Variants in KCNMA1 observed in about 807,000 individuals in gnomAD.
The protein encoded by KCNMA1 is potassium calcium-activated channel subfamily M alpha 1, also known as Calcium-activated potassium channel subunit alpha-1.
KCNMA1 carries 29 observed loss-of-function variants against 140.0 expected under a neutral mutation model. The observed-to-expected ratio is 0.21, with a 90% CI of 0.15 to 0.28. The LOEUF is 0.28. KCNMA1 is among the 10% of genes least tolerant of loss of function. KCNMA1 has a pLI of 1.00. For synonymous variants in KCNMA1, 612 were observed against 611.9 expected (o/e 1.00, Z 0.00); for missense variants, 880 against 1,602.2 (o/e 0.55, Z 7.70).
intron 10 of KCNMA1, among the ~76,000 whole-genome samples, chr10:77,089,953 A>C (rs569124274): frequency 6.6e-6 from 1 of 152,088 alleles, no homozygotes; most frequent in South Asian, 2.1e-4. Context: ...AGTTGTTATT[A>C]CTATTACCTT....
Position 77,637,185 on chromosome 10 carries a change from G to A in KCNMA1, c.378+80C>T. On this transcript the variant is annotated intron_variant, in intron 1 of 27. Coordinates refer to ENST00000286628, the MANE Select transcript of KCNMA1 (RefSeq NM_001161352.2). The stretch of plus-strand genomic sequence containing the variant: ...GATGGAGGGAGGCACGGCGCGGCGC[G>A]GAGCGAGGAGGTGGGCTGCAGGGGA... 9 of 1,358,578 alleles carry A rather than the reference G, an allele frequency of 6.6e-6. No homozygotes were observed. The South Asian group carries it at 6.8e-5, about 10-fold the overall frequency. 84.2% of individuals were successfully genotyped at this position (1,358,578 alleles called of 1,614,324 possible).
In KCNMA1 at chr10:77,197,315, G is replaced by A. The variant is rs192965904; in HGVS notation, c.603-12399C>T. Among the ~76,000 whole-genome samples, 19 of 152,318 alleles carry A rather than the reference G, an allele frequency of 1.2e-4. No homozygotes were observed. The East Asian group carries it at 3.7e-3, about 29-fold the overall frequency. ...CAGGTAACATTATTCAGAAAGACATGAAAGGGTATCATCATCCTGGTCACT... is the reference window on the plus strand; with the variant it reads ...CAGGTAACATTATTCAGAAAGACATAAAAGGGTATCATCATCCTGGTCACT... On this transcript the variant is annotated intron_variant, in intron 3 of 27. Transcript: ENST00000286628.
intron 5 of KCNMA1, among the ~76,000 whole-genome samples, chr10:77,159,555 C>T (rs764869865): frequency 6.6e-6 from 1 of 152,086 alleles, no homozygotes; most frequent in South Asian, 2.1e-4. Context: ...GTCTTCTGTC[C>T]TTACCTTCTT....
chr10:76,880,875 G>A (rs1208821746), downstream of KCNMA1, among the ~76,000 whole-genome samples: 3 of 152,220 alleles, frequency 2.0e-5, no homozygotes, highest in Non-Finnish European at 2.9e-5. Context: ...TCTAAGATGA[G>A]AAGGGCAATT....
At chr10:76,948,538 C>G (rs1419489618) in intron 22 of KCNMA1, among the ~76,000 whole-genome samples, 1 of 152,104 alleles carries the variant, frequency 6.6e-6, no homozygotes, top group Non-Finnish European at 1.5e-5. Context: ...ACTGTTTTTT[C>G]AGACTGAAGT....
chr10:77,427,046 T>G (rs1566780109), intron 1 of KCNMA1, among the ~76,000 whole-genome samples: 1 of 152,256 alleles, frequency 6.6e-6, no homozygotes, highest in East Asian at 1.9e-4. Context: ...ATAATCCACT[T>G]AGAAAATTCC....
intron 3 of KCNMA1, among the ~76,000 whole-genome samples, chr10:77,228,808 T>C (rs1055906792): frequency 1.3e-5 from 2 of 152,178 alleles, no homozygotes; most frequent in Non-Finnish European, 1.5e-5. Context: ...GAGCCACCTG[T>C]AGTCATGTGG....
chr10:77,027,776 C>G (rs765726448), intron 16 of KCNMA1, 47 bp downstream of exon 16: 1 of 1,493,862 alleles, frequency 6.7e-7, no homozygotes, highest in African/African-American at 1.4e-5. Flanking sequence ...AGAACGCACT[C>G]TCACCATCAA....
At chr10:77,637,204 C>A in intron 1 of KCNMA1, 61 bp downstream of exon 1, 1 of 1,460,684 alleles carries the variant, frequency 6.8e-7, no homozygotes. Flanking sequence ...AGGTGGGCTG[C>A]AGGGGACGCC....
At chr10:77,419,323 C>T (rs965201780) in intron 1 of KCNMA1, among the ~76,000 whole-genome samples, 1 of 152,202 alleles carries the variant, frequency 6.6e-6, no homozygotes, top group South Asian at 2.1e-4. Flanking sequence ...CCCCACGTCT[C>T]CATAACAACT....
intron 14 of KCNMA1, among the ~76,000 whole-genome samples, chr10:77,043,582 G>A (rs770193529): frequency 5.3e-5 from 8 of 152,128 alleles, no homozygotes; most frequent in Non-Finnish European, 2.9e-5. Flanking sequence ...TCTAAGAGGT[G>A]GAAGCACCCC....
intron 5 of KCNMA1, among the ~76,000 whole-genome samples, chr10:77,127,028 A>T (rs2153973679): frequency 6.6e-6 from 1 of 151,462 alleles, no homozygotes; most frequent in East Asian, 1.9e-4. Context: ...ACGCCACAGA[A>T]AAGTCATCAA....
chr10:77,465,995 G>A (rs182890609), intron 1 of KCNMA1, among the ~76,000 whole-genome samples: 53 of 152,294 alleles, frequency 3.5e-4, no homozygotes, highest in African/African-American at 1.2e-3. Flanking sequence ...CCAAGAAAGT[G>A]TTCCTGGCAG....
intron 19 of KCNMA1, among the ~76,000 whole-genome samples, chr10:76,997,925 C>T (rs960764646): frequency 6.6e-6 from 1 of 152,160 alleles, no homozygotes; most frequent in African/African-American, 2.4e-5. Context: ...TTCAGTCTTG[C>T]CAGAAATAAA....
At chr10:77,419,623 C>G (rs925361979) in intron 1 of KCNMA1, among the ~76,000 whole-genome samples, 2 of 152,110 alleles carry the variant, frequency 1.3e-5, no homozygotes, top group Admixed American at 6.5e-5. Context: ...GGTAGTGACA[C>G]AAATTTTCTA....
intron 14 of KCNMA1, among the ~76,000 whole-genome samples, chr10:77,061,051 T>C (rs904205291): frequency 3.3e-5 from 5 of 152,228 alleles, no homozygotes; most frequent in Admixed American, 1.3e-4. Flanking sequence ...ACTAGGTTTG[T>C]AGTAATTTAT....
intron 2 of KCNMA1, among the ~76,000 whole-genome samples, chr10:77,351,693 T>C (rs2092907363): frequency 6.6e-6 from 1 of 152,064 alleles, no homozygotes; most frequent in Non-Finnish European, 1.5e-5. Flanking sequence ...ATATGAGTCA[T>C]TCTCAAAACT....
rs76686019 is a variant in KCNMA1, at chr10:76,968,139, G to A, written c.2360+1835C>T. Among the ~76,000 whole-genome samples, 63 of 152,190 alleles carry A rather than the reference G, an allele frequency of 4.1e-4. 1 individual carries two copies. Among genetic ancestry groups the A allele is most frequent in the South Asian group, 1.9e-3 (9 of 4,826 alleles). On this transcript the variant is annotated intron_variant, in intron 20 of 27. Transcript: ENST00000286628. ...CTTTCTATTGCACATAAAATGTAGC[G>A]TGTAACACTAAAGTATTTAATATAT...
At chr10:76,940,998 A>G (rs187010489) in intron 23 of KCNMA1, among the ~76,000 whole-genome samples, 2,327 of 63,246 alleles carry the variant, frequency 0.037, 293 homozygotes, top group African/African-American at 0.15. Context: ...AGAGAGAAAG[A>G]AAGGAAGGAA....
Sources: allele counts gnomAD v4.1 joint callset (sites outside exome capture counted in the v4.1 genomes callset), GRCh38; gene constraint gnomAD v4.1.1; transcripts MANE v1.5; gene names NCBI Gene and HGNC (gene_info 2026-07-23, HGNC 2026-07-21).